IL22RA2: variants seen among roughly 807,000 people sequenced by gnomAD.
IL22RA2 encodes interleukin-22 receptor subunit alpha-2.
Under a neutral mutation model 30.7 loss-of-function variants are expected in IL22RA2, and 39 were observed. The observed-to-expected ratio is 1.27, with a 90% confidence interval of 0.98 to 1.66. The LOEUF (loss-of-function observed/expected upper bound fraction) is 1.66, where lower values mean the gene tolerates loss of function less well. IL22RA2 is among the 40% of genes most tolerant of loss of function. The pLI is 0.00. For synonymous variants in IL22RA2, 103 were observed against 105.0 expected (o/e 0.98, Z 0.11); for missense variants, 315 against 312.7 (o/e 1.01, Z -0.05).
In IL22RA2 at chr6:137,158,341, A is replaced by G. The variant is rs1778451469; in HGVS notation, c.197+6T>C. 5.0e-6 allele frequency: 8 copies of G among 1,613,984 alleles called. No homozygotes were observed. Among genetic ancestry groups the G allele is most frequent in the Non-Finnish European group, 6.8e-6 (8 of 1,179,864 alleles). ...CTATCAGCTGAAGGAGGCTCAATTT[A>G]CTTACATTTTGTACTGCACAAAATA... On this transcript the variant is annotated splice_donor_region_variant and intron_variant, in intron 3 of 6. Transcript: ENST00000296980.
intron 6 of IL22RA2, among the ~76,000 whole-genome samples, chr6:137,147,125 G>A (rs1778195014): frequency 6.7e-6 from 1 of 149,070 alleles, no homozygotes; most frequent in Non-Finnish European, 1.5e-5. Flanking sequence ...CAAGGCTGGA[G>A]GATTGGTTGA....
chr6:137,155,083 A>G lies in IL22RA2; in HGVS notation c.330T>C (p.Cys110=), dbSNP rs758995034. Residue 110 remains cysteine, a synonymous_variant, in exon 5 of 7, where the codon TGT becomes TGC. Coordinates refer to ENST00000296980, the MANE Select transcript of IL22RA2 (RefSeq NM_052962.3). ...CACAAGAGAGTTCTTGAGTACCCCA[A>G]CAGTCTTCTTTATTTTTCCATTGTC... ...GQRQWKNKED[C]WGTQELSCDL... 1 of 1,601,300 alleles carries G rather than the reference A, an allele frequency of 6.2e-7. No individual in the cohort carries two copies. The highest frequency in any genetic ancestry group is 1.1e-5 in the South Asian group (1 of 89,982).
chr6:137,152,991 C>T, intron 5 of IL22RA2, among the ~76,000 whole-genome samples: 1 of 152,030 alleles, frequency 6.6e-6, no homozygotes, highest in East Asian at 1.9e-4. Context: ...TATTTTTGTT[C>T]CCTTCCAAAA....
intron 1 of IL22RA2, among the ~76,000 whole-genome samples, chr6:137,169,172 C>T (rs1043011467): frequency 6.6e-6 from 1 of 152,224 alleles, no homozygotes; most frequent in African/African-American, 2.4e-5. Context: ...CCTGTTGGGG[C>T]AAGTCCTTTC....
Position 137,161,677 on chromosome 6 carries a change from C to T in IL22RA2, c.61+12G>A. 6.2e-7 allele frequency: 1 copy of T among 1,609,220 alleles called. No homozygotes were observed. The highest frequency in any genetic ancestry group is 8.5e-7 in the Non-Finnish European group (1 of 1,175,948). ...AAAGCTATGAGCAATTAAAAAGAAA[C>T]AAAGCACTTACCTGCTACACCAGTA... On this transcript the variant is annotated intron_variant, in intron 2 of 6. Coordinates refer to ENST00000296980, the MANE Select transcript of IL22RA2 (RefSeq NM_052962.3).
At chr6:137,164,466 G>A (rs896389527) in intron 1 of IL22RA2, among the ~76,000 whole-genome samples, 2 of 152,208 alleles carry the variant, frequency 1.3e-5, no homozygotes, top group African/African-American at 4.8e-5. Context: ...AAACTGCAAG[G>A]CATCAGAAAA....
At chr6:137,158,043 C>T (rs746903955) in intron 3 of IL22RA2, among the ~76,000 whole-genome samples, 8 of 152,174 alleles carry the variant, frequency 5.3e-5, no homozygotes, top group Non-Finnish European at 1.0e-4. Flanking sequence ...TTCCAACATT[C>T]GCCTGACAAA....
intron 5 of IL22RA2, among the ~76,000 whole-genome samples, chr6:137,153,769 AGCTTCTC>A (rs1662809655): frequency 6.6e-6 from 1 of 152,124 alleles, no homozygotes; most frequent in African/African-American, 2.4e-5. Context: ...TGCCTCTTAG[AGCTTCTC>A]TATTCAGTGA....
At chr6:137,163,278 T>C (rs1445769210) in intron 1 of IL22RA2, among the ~76,000 whole-genome samples, 3 of 152,252 alleles carry the variant, frequency 2.0e-5, no homozygotes, top group Admixed American at 6.5e-5. Flanking sequence ...GGGCTCAGAC[T>C]TTCTGGACAT....
rs574255643 is a variant in IL22RA2 at position 137,163,962 on chromosome 6, C to T, written c.-65-2148G>A. 3.6e-4 allele frequency among the ~76,000 whole-genome samples: 55 copies of T among 152,290 alleles called. No homozygotes were observed. In the Middle Eastern group the frequency reaches 0.01, roughly 28 times the overall value. ...CACTGCATACGGCCCAGAGGACCAG[C>T]TCCACAGCTGCAGCTAGCTGTGACA... is the stretch of plus-strand genomic sequence containing the variant. On this transcript the variant is annotated intron_variant, in intron 1 of 6. Transcript: ENST00000296980.
chr6:137,155,235 C>T (rs1348047006), intron 4 of IL22RA2, 116 bp from the exon 5 acceptor site: 2 of 668,754 alleles, frequency 3.0e-6, no homozygotes, highest in South Asian at 2.5e-5. Context: ...ACCATGATAG[C>T]TTATGGCTCC....
At chr6:137,148,342 C>G (rs1205853641) in intron 5 of IL22RA2, among the ~76,000 whole-genome samples, 1 of 152,084 alleles carries the variant, frequency 6.6e-6, no homozygotes, top group African/African-American at 2.4e-5. Context: ...TCCTGAGTAG[C>G]TGAGATTACA....
intron 5 of IL22RA2, among the ~76,000 whole-genome samples, chr6:137,148,165 T>C (rs1778217331): frequency 6.6e-6 from 1 of 152,226 alleles, no homozygotes; most frequent in African/African-American, 2.4e-5. Flanking sequence ...AGAATAAAGA[T>C]GGAAACATAC....
intron 1 of IL22RA2, among the ~76,000 whole-genome samples, chr6:137,165,310 G>C (rs1193483835): frequency 3.9e-5 from 6 of 152,214 alleles, no homozygotes; most frequent in African/African-American, 1.2e-4. Context: ...TTGACCCAGA[G>C]GCTGCGGGTA....
intron 4 of IL22RA2, 137 bp downstream of exon 4, chr6:137,156,622 T>A (rs986863353): frequency 1.7e-6 from 2 of 1,159,448 alleles, no homozygotes; most frequent in Non-Finnish European, 2.4e-6. Flanking sequence ...AAATTTGTCT[T>A]GTGCTGTTGA....
intron 2 of IL22RA2, 127 bp downstream of exon 2, chr6:137,161,562 C>CATTT (rs2114382359): frequency 1.4e-6 from 1 of 724,456 alleles, no homozygotes; most frequent in South Asian, 1.7e-5. Flanking sequence ...CTGCTCTGAT[C>CATTT]ATTTAGTGAC....
intron 2 of IL22RA2, among the ~76,000 whole-genome samples, chr6:137,161,110 G>A (rs1192160384): frequency 1.3e-5 from 2 of 152,224 alleles, no homozygotes; most frequent in Non-Finnish European, 2.9e-5. Context: ...CTCACCTGTT[G>A]TTTGTGGTCC....
chr6:137,145,420 G>C lies in IL22RA2; in HGVS notation c.*204C>G. 1 of 433,310 alleles carries C rather than the reference G, an allele frequency of 2.3e-6. No individual in the cohort carries two copies. The highest frequency in any genetic ancestry group is 4.0e-6 in the Non-Finnish European group (1 of 249,532). The allele number at this position is 433,310 out of a possible 1,614,324, so 26.8% of individuals were successfully genotyped here. ...CCTCATCTTTACATTTCAATTTTTC[G>C]GGGGGAATGTCGTTCAAATATAGTT... On this transcript the variant is annotated 3_prime_UTR_variant, in exon 7 of 7. Coordinates refer to ENST00000296980, the MANE Select transcript of IL22RA2 (RefSeq NM_052962.3).
intron 3 of IL22RA2, 106 bp downstream of exon 3, chr6:137,158,241 C>T (rs1299992306): frequency 7.3e-7 from 1 of 1,362,782 alleles, no homozygotes; most frequent in African/African-American, 1.4e-5. Flanking sequence ...TTCTTCTCAA[C>T]CCCTCTGAAA....
Sources: allele counts gnomAD v4.1 joint callset (sites outside exome capture counted in the v4.1 genomes callset), GRCh38; gene constraint gnomAD v4.1.1; transcripts MANE v1.5; gene names NCBI Gene and HGNC (gene_info 2026-07-23, HGNC 2026-07-21).